SORCS1: variants seen among roughly 807,000 people sequenced by gnomAD.
SORCS1 encodes VPS10 domain-containing receptor SorCS1.
Under a neutral mutation model 146.1 loss-of-function variants are expected in SORCS1, and 60 were observed. That is an observed-to-expected ratio of 0.41 (90% CI 0.33 to 0.51). The LOEUF is 0.51. Among genes scored for constraint, SORCS1 ranks in the 20% least tolerant of loss-of-function variants. The pLI is 0.21. For synonymous variants in SORCS1, 637 were observed against 584.0 expected (o/e 1.09, Z -1.31); for missense variants, 1,352 against 1,487.6 (o/e 0.91, Z 1.50).
chr10:106,872,541 C>T (rs964101112), intron 2 of SORCS1, among the ~76,000 whole-genome samples: 2 of 152,166 alleles, frequency 1.3e-5, no homozygotes, highest in African/African-American at 4.8e-5. Context: ...TCTGGAGTTA[C>T]ACTTGGAAGC....
intron 1 of SORCS1, among the ~76,000 whole-genome samples, chr10:106,980,487 C>G (rs1956206999): frequency 6.6e-6 from 1 of 152,182 alleles, no homozygotes; most frequent in Non-Finnish European, 1.5e-5. Context: ...CTGCCTGTTT[C>G]AAAAGTGGAG....
At chr10:106,738,069 G>A (rs1057200425) in intron 5 of SORCS1, among the ~76,000 whole-genome samples, 7 of 152,146 alleles carry the variant, frequency 4.6e-5, no homozygotes, top group East Asian at 1.9e-4. Context: ...TTTTTCAGTC[G>A]TTGTCTATTG....
Position 107,164,570 on chromosome 10 carries a change from G to A in SORCS1, c.-44C>T, listed in dbSNP as rs1252560343. 9 of 1,311,532 alleles carry A rather than the reference G, an allele frequency of 6.9e-6. 1 individual carries two copies. The East Asian group carries it at 1.6e-4, about 23-fold the overall frequency. 81.2% of individuals were successfully genotyped at this position (1,311,532 alleles called of 1,614,324 possible). ...CGGAGAGAGGGGTCCCAGAACGAAGGTGGCGGCACGAGCTCTGCGCTGGCG... is the reference window on the plus strand; with the variant it reads ...CGGAGAGAGGGGTCCCAGAACGAAGATGGCGGCACGAGCTCTGCGCTGGCG... On this transcript the variant is annotated 5_prime_UTR_variant, in exon 1 of 26. Coordinates refer to ENST00000263054, the MANE Select transcript of SORCS1 (RefSeq NM_052918.5). This position sits in a 1 kb window ranked among gnomAD's most constrained non-coding sequence, Gnocchi z 6.8.
At chr10:106,827,539 T>G (rs2136988076) in intron 3 of SORCS1, among the ~76,000 whole-genome samples, 1 of 152,330 alleles carries the variant, frequency 6.6e-6, no homozygotes, top group South Asian at 2.1e-4. Flanking sequence ...TAGCATACAG[T>G]TTGTTGACTG....
intron 24 of SORCS1, among the ~76,000 whole-genome samples, chr10:106,595,845 G>A (rs1342804999): frequency 1.3e-5 from 2 of 152,052 alleles, no homozygotes; most frequent in Non-Finnish European, 1.5e-5. Flanking sequence ...GTTCTTCCTC[G>A]AAACCACCTA....
intron 24 of SORCS1, among the ~76,000 whole-genome samples, chr10:106,595,385 A>T (rs1003565486): frequency 6.6e-6 from 1 of 152,122 alleles, no homozygotes; most frequent in African/African-American, 2.4e-5. Flanking sequence ...CCTTACACTC[A>T]TCTTTTTCAA....
chr10:107,027,745 G>A lies in SORCS1; in HGVS notation c.559-71165C>T, dbSNP rs564835085. ...AAGATACCCTTTCTCCACTTCTGTG[G>A]CAGGTCCATATATACAGAATTACTT... On this transcript the variant is annotated intron_variant, in intron 1 of 25. Coordinates refer to ENST00000263054, the MANE Select transcript of SORCS1 (RefSeq NM_052918.5). 7.2e-4 allele frequency among the ~76,000 whole-genome samples: 109 copies of A among 152,266 alleles called. 1 individual carries two copies. Among genetic ancestry groups the A allele is most frequent in the Non-Finnish European group, 1.1e-3 (78 of 68,018 alleles).
chr10:106,806,810 C>A (rs1014548329), intron 3 of SORCS1, among the ~76,000 whole-genome samples: 1 of 151,842 alleles, frequency 6.6e-6, no homozygotes, highest in African/African-American at 2.4e-5. Context: ...CCACCGCACC[C>A]GGAGGAGAGG....
rs1564985620 is a variant in SORCS1 at position 107,060,335 on chromosome 10, G to A, written c.558+103634C>T. On this transcript the variant is annotated intron_variant, in intron 1 of 25. Coordinates refer to ENST00000263054, the MANE Select transcript of SORCS1 (RefSeq NM_052918.5). The surrounding 1 kb of genome is among the most constrained non-coding windows in gnomAD (Gnocchi z 4.1). The stretch of plus-strand genomic sequence containing the variant: ...AAGTGGGGTACTAGTACTGAGGAGG[G>A]TTCTTGCGAGATTAAAGTTAATTAA... Among the ~76,000 whole-genome samples the A allele has an allele frequency of 6.6e-6, 1 of 152,154 alleles. No homozygotes were observed. The highest frequency in any genetic ancestry group is 1.5e-5 in the Non-Finnish European group (1 of 68,032).
At chr10:106,585,110 G>C (rs557489288) in intron 24 of SORCS1, among the ~76,000 whole-genome samples, 2 of 152,052 alleles carry the variant, frequency 1.3e-5, no homozygotes, top group African/African-American at 4.8e-5. Context: ...TGTAGTCCCA[G>C]CTACTCGGGA....
chr10:106,672,294 C>T (rs536173699), intron 15 of SORCS1, among the ~76,000 whole-genome samples: 5 of 152,244 alleles, frequency 3.3e-5, no homozygotes, highest in Middle Eastern at 3.4e-3. Flanking sequence ...AGAGACACTT[C>T]CATCCAAGCA....
At chr10:106,984,784 C>G (rs1196083368) in intron 1 of SORCS1, among the ~76,000 whole-genome samples, 4 of 151,840 alleles carry the variant, frequency 2.6e-5, no homozygotes, top group Non-Finnish European at 5.9e-5. Context: ...TAGACACACA[C>G]TTTTATACTT....
At chr10:106,721,752 G>A (rs563631799) in intron 6 of SORCS1, among the ~76,000 whole-genome samples, 27 of 152,190 alleles carry the variant, frequency 1.8e-4, no homozygotes, top group Non-Finnish European at 2.6e-4. Flanking sequence ...TTCTCTTTCC[G>A]TAGTGTTTGC....
At chr10:106,945,631 T>C (rs1954300032) in intron 2 of SORCS1, among the ~76,000 whole-genome samples, 1 of 152,236 alleles carries the variant, frequency 6.6e-6, no homozygotes, top group African/African-American at 2.4e-5. Flanking sequence ...AGGTTTGATA[T>C]CAGAATGTCA....
At chr10:106,734,013 T>C (rs573635789) in intron 5 of SORCS1, among the ~76,000 whole-genome samples, 1 of 152,210 alleles carries the variant, frequency 6.6e-6, no homozygotes, top group African/African-American at 2.4e-5. Context: ...TAAATACATA[T>C]ACAACATTTT....
At chr10:107,040,840 A>C (rs1959121020) in intron 1 of SORCS1, among the ~76,000 whole-genome samples, 1 of 152,182 alleles carries the variant, frequency 6.6e-6, no homozygotes, top group South Asian at 2.1e-4. Context: ...CATGGTATTT[A>C]CCAGCGTTGG....
At chr10:106,954,465 T>A (rs545478494) in intron 2 of SORCS1, among the ~76,000 whole-genome samples, 1 of 152,266 alleles carries the variant, frequency 6.6e-6, no homozygotes, top group East Asian at 1.9e-4. Flanking sequence ...CTTCCCACAC[T>A]TTCAGTTACA....
chr10:107,150,822 T>G (rs1337601823), intron 1 of SORCS1, among the ~76,000 whole-genome samples: 2 of 152,200 alleles, frequency 1.3e-5, no homozygotes, highest in Non-Finnish European at 2.9e-5. Context: ...TGCTGCCATG[T>G]GAAGAAGGAG....
intron 3 of SORCS1, among the ~76,000 whole-genome samples, chr10:106,812,926 A>C (rs1049756770): frequency 6.6e-6 from 1 of 152,070 alleles, no homozygotes; most frequent in African/African-American, 2.4e-5. Flanking sequence ...CAAGGGAAAG[A>C]ACAAGTTCTG....
Sources: allele counts gnomAD v4.1 joint callset (sites outside exome capture counted in the v4.1 genomes callset), GRCh38; gene constraint gnomAD v4.1.1; non-coding constraint Gnocchi (gnomAD v3.1); transcripts MANE v1.5; gene names NCBI Gene and HGNC (gene_info 2026-07-23, HGNC 2026-07-21).